The following BAHCC1 variants were observed in gnomAD, a reference collection of about 807,000 sequenced individuals.
BAHCC1 encodes the protein BAH domain and coiled-coil containing 1.
BAHCC1 carries 43 observed loss-of-function variants against 88.2 expected under a neutral mutation model. That is an observed-to-expected ratio of 0.49 (90% CI 0.38 to 0.63). BAHCC1 has a LOEUF of 0.63. Among genes scored for constraint, BAHCC1 ranks in the 20% least tolerant of loss-of-function variants. BAHCC1 has a pLI of 0.00. For missense variants in BAHCC1, 3,023 were observed against 1,654.8 expected, an observed-to-expected ratio of 1.83 and a Z score of -14.34; for synonymous variants, 1,510 against 745.5, an observed-to-expected ratio of 2.03 and a Z score of -16.71.
rs782452028 is a variant in BAHCC1 at position 81,462,007 on chromosome 17, C to T, written c.7344C>T (p.Pro2448=). 17 of 778,128 alleles carry T rather than the reference C, an allele frequency of 2.2e-5. 1 individual carries two copies. Among genetic ancestry groups the T allele is most frequent in the South Asian group, 5.4e-5 (4 of 74,256 alleles). 48.2% of individuals were successfully genotyped at this position (778,128 alleles called of 1,614,324 possible). ...ENRPKISAFL[P]ARQLWKWSGN... ...GGCCAAAGATCTCAGCCTTCCTGCC[C>T]GCCCGGCAGCTCTGGAAGTGGTCGG... The change falls in exon 26 of 28, where the codon CCC becomes CCT. Residue 2448 remains proline (P), a synonymous_variant. Transcript: ENST00000675386.
chr17:81,447,465 C>T lies in BAHCC1; in HGVS notation c.3593C>T (p.Ala1198Val), dbSNP rs782715512. ...EEGEQGPSSGASSQVLEQRAG... is the reference protein window; with the variant it reads ...EEGEQGPSSGVSSQVLEQRAG... ...GGGGAGCAGGGGCCCTCGTCAGGGG[C>T]CTCCTCCCAAGTCCTGGAGCAGCGA... Residue 1198 changes from alanine (A) to valine (V), a missense_variant, in exon 11 of 28, where the codon GCC becomes GTC. Coordinates refer to ENST00000675386, the MANE Select transcript of BAHCC1 (RefSeq NM_001377448.1). 25 of 741,098 alleles carry T rather than the reference C, an allele frequency of 3.4e-5. 2 individuals carry two copies. In the Admixed American group the frequency reaches 3.8e-4, roughly 11 times the overall value. 45.9% of individuals were successfully genotyped at this position (741,098 alleles called of 1,614,324 possible).
intron 18 of BAHCC1, 27 bp from the exon 19 acceptor site, chr17:81,458,594 G>A: frequency 1.4e-6 from 1 of 692,208 alleles, no homozygotes; most frequent in South Asian, 1.5e-5. Context: ...CCTTGACTCA[G>A]CCCCTTCTCT....
intron 16 of BAHCC1, 83 bp from the exon 17 acceptor site, chr17:81,457,327 G>T (rs781942100): frequency 1.5e-6 from 1 of 683,520 alleles, no homozygotes. Flanking sequence ...CGCCATAACC[G>T]CATGCCCAGA....
chr17:81,444,952 G>A (rs897476710), intron 8 of BAHCC1, 63 bp from the exon 9 acceptor site: 10 of 685,074 alleles, frequency 1.5e-5, no homozygotes, highest in Non-Finnish European at 1.9e-5. Flanking sequence ...AGGGTGGCGG[G>A]GAAGCAGCCC....
At chr17:81,402,025 CGGCTCTG>C (rs781811142) in intron 2 of BAHCC1, 3 of 152,442 alleles carry the variant, frequency 2.0e-5, no homozygotes, top group South Asian at 2.1e-4. Context: ...CTGTGAGAAA[CGGCTCTG>C]GGCTCTGGCC....
intron 15 of BAHCC1, among the ~76,000 whole-genome samples, chr17:81,455,781 G>C (rs1555657123): frequency 6.6e-6 from 1 of 151,542 alleles, no homozygotes; most frequent in Non-Finnish European, 1.5e-5. Context: ...CTTGGTGTGG[G>C]GGGGCTCCCC....
intron 2 of BAHCC1, among the ~76,000 whole-genome samples, chr17:81,417,178 C>T (rs1052940401): frequency 9.9e-5 from 15 of 152,152 alleles, no homozygotes; most frequent in Non-Finnish European, 1.3e-4. Flanking sequence ...ACATCTTCAC[C>T]GGGGTGTCCG....
In BAHCC1 at chr17:81,461,412, C is replaced by T; in HGVS notation, c.6749C>T (p.Ala2250Val). 1 of 724,644 alleles carries T rather than the reference C, an allele frequency of 1.4e-6. No individual in the cohort carries two copies. The allele number at this position is 724,644 out of a possible 1,614,324, so 44.9% of individuals were successfully genotyped here. A position where few individuals can be genotyped will look rare whatever the true frequency, so the allele number is the denominator to read the frequency against. ...CCCAGCCCCAGCTATGTGCACCCGG[C>T]CCTTGTGGGCAAGGACAAGAAGGGG... is the stretch of plus-strand genomic sequence containing the variant. Reference protein sequence around the residue: ...PLPSPSYVHPALVGKDKKGRA... With the variant: ...PLPSPSYVHPVLVGKDKKGRA... The change falls in exon 26 of 28, where the codon GCC becomes GTC. Residue 2250 changes from alanine (A) to valine (V), a missense_variant. Physicochemically the swap from Ala to Val is moderately conservative, Grantham distance 64. Transcript: ENST00000675386.
rs370243784 is a variant in BAHCC1, at chr17:81,461,018, C to T, written c.6355C>T (p.Leu2119=). 3 of 773,086 alleles carry T rather than the reference C, an allele frequency of 3.9e-6. No homozygotes were observed. The highest frequency in any genetic ancestry group is 1.7e-5 in the African/African-American group (1 of 59,086). 47.9% of individuals were successfully genotyped at this position (773,086 alleles called of 1,614,324 possible). The change falls in exon 26 of 28, where the codon CTG becomes TTG. Residue 2119 remains leucine (L), a synonymous_variant. Transcript: ENST00000675386. ...VAAASKGPGV[L]QNLFQLNGSS... Reference sequence around the variant, plus strand: ...AGCGGCCAGCAAGGGGCCGGGGGTGCTGCAGAACCTCTTCCAGCTCAACGG... The same window carrying T: ...AGCGGCCAGCAAGGGGCCGGGGGTGTTGCAGAACCTCTTCCAGCTCAACGG...
At chr17:81,414,608 GGTGAA>G (rs1234208923) in intron 2 of BAHCC1, among the ~76,000 whole-genome samples, 1 of 152,220 alleles carries the variant, frequency 6.6e-6, no homozygotes, top group Non-Finnish European at 1.5e-5. Context: ...CAGAGGCTGA[GGTGAA>G]AAGTAAGATG....
At chr17:81,463,086 C>T in intron 27 of BAHCC1, 110 bp downstream of exon 27, 1 of 644,686 alleles carries the variant, frequency 1.6e-6, no homozygotes, top group Non-Finnish European at 2.8e-6. Flanking sequence ...CACCACACAG[C>T]CCCCGCTCAG....
In BAHCC1 at chr17:81,435,149, C is replaced by G. The variant is rs2064318516; in HGVS notation, c.359-3221C>G. ...ACTCTCTCTCCTCCTGCCCACACCA[C>G]AGGCCTCCTACCTGCAACCCTTGAC... On this transcript the variant is annotated intron_variant, in intron 3 of 27. Transcript: ENST00000675386. This position sits in a 1 kb window ranked among gnomAD's most constrained non-coding sequence, Gnocchi z 4.4. Among the ~76,000 whole-genome samples, 1 of 152,126 alleles carries G rather than the reference C, an allele frequency of 6.6e-6. No individual in the cohort carries two copies. The highest frequency in any genetic ancestry group is 6.5e-5 in the Admixed American group (1 of 15,286).
chr17:81,413,222 C>T (rs879986468), intron 2 of BAHCC1: 6 of 287,458 alleles, frequency 2.1e-5, no homozygotes, highest in South Asian at 1.3e-4. Context: ...ATGCCCCCCC[C>T]GGGCGCTCGC....
At chr17:81,458,539 C>T (rs1463780732) in intron 18 of BAHCC1, 73 bp downstream of exon 18, 9 of 677,582 alleles carry the variant, frequency 1.3e-5, no homozygotes, top group Admixed American at 6.2e-5. Flanking sequence ...CGCCCTCCCC[C>T]GCACGCTGGC....
At chr17:81,421,872 C>A in intron 2 of BAHCC1, 1 of 327,160 alleles carries the variant, frequency 3.1e-6, no homozygotes, top group Non-Finnish European at 6.2e-6. Flanking sequence ...ACGCAGGATG[C>A]CTGGGCACGG....
intron 14 of BAHCC1, among the ~76,000 whole-genome samples, chr17:81,454,351 C>T (rs1555656660): frequency 6.6e-6 from 1 of 152,188 alleles, no homozygotes; most frequent in East Asian, 1.9e-4. Context: ...GACAGCACAG[C>T]TCTGGGGCAT....
intron 2 of BAHCC1, among the ~76,000 whole-genome samples, chr17:81,417,325 G>C (rs533384138): frequency 6.6e-6 from 1 of 152,100 alleles, no homozygotes; most frequent in African/African-American, 2.4e-5. Flanking sequence ...GCCCCTGGCC[G>C]ACCGCCCCAC....
intron 2 of BAHCC1, among the ~76,000 whole-genome samples, chr17:81,417,677 A>G (rs575722116): frequency 4.6e-5 from 7 of 151,696 alleles, no homozygotes; most frequent in African/African-American, 1.7e-4. Flanking sequence ...TCCTGTCATC[A>G]TCACCTCCGG....
chr17:81,460,754 G>T (rs782152250), intron 25 of BAHCC1, 48 bp downstream of exon 25: 2 of 776,334 alleles, frequency 2.6e-6, no homozygotes, highest in Non-Finnish European at 4.8e-6. Context: ...GGCACCCTCT[G>T]GGGGCTGGGG....
Sources: gnomAD v4.1 joint callset for allele counts (sites outside exome capture counted in the v4.1 genomes callset) on GRCh38, gnomAD v4.1.1 for gene constraint, Gnocchi (gnomAD v3.1) non-coding constraint, MANE v1.5 for transcripts, NCBI Gene and HGNC (gene_info 2026-07-23, HGNC 2026-07-21) for gene names.